The following LMO4 variants were observed in gnomAD, a reference collection of about 807,000 sequenced individuals.
LMO4 encodes the protein LIM domain only 4.
A neutral mutation model predicts 18.5 loss-of-function variants in LMO4; 3 were observed. The ratio of observed to expected loss-of-function variants is 0.16; its 90% CI spans 0.07 to 0.42. The LOEUF (loss-of-function observed/expected upper bound fraction) is 0.42. Among genes scored for constraint, LMO4 ranks in the 10% least tolerant of loss-of-function variants. LMO4 has a pLI of 0.99. For synonymous variants in LMO4, 100 were observed against 88.1 expected, an observed-to-expected ratio of 1.14 and a Z score of -0.76; for missense variants, 121 against 219.9, an observed-to-expected ratio of 0.55 and a Z score of 2.84.
intron 1 of LMO4, 104 bp from the exon 2 acceptor site, chr1:87,331,909 C>T (rs1650165112): frequency 1.1e-6 from 1 of 936,794 alleles, no homozygotes; most frequent in Non-Finnish European, 1.6e-6. Context: ...CCAGCAGCTC[C>T]GCGGGGAGGA....
chr1:87,334,473 A>G (rs532140631), intron 2 of LMO4, among the ~76,000 whole-genome samples: 32 of 152,228 alleles, frequency 2.1e-4, no homozygotes, highest in African/African-American at 7.5e-4. Context: ...CCCCTCTCCA[A>G]TGTCCCTCAA....
At chr1:87,340,340 TAG>T (rs1650441928) in intron 4 of LMO4, 138 bp downstream of exon 4, 1 of 721,114 alleles carries the variant, frequency 1.4e-6, no homozygotes, top group African/African-American at 1.8e-5. Context: ...TAGTTGTACA[TAG>T]AGTGTTCAGA....
chr1:87,339,258 T>A (rs1432691830), intron 2 of LMO4, among the ~76,000 whole-genome samples: 1 of 152,090 alleles, frequency 6.6e-6, no homozygotes, highest in African/African-American at 2.4e-5. Flanking sequence ...CCTAGTAATC[T>A]GATAAAATGT....
In LMO4 at chr1:87,348,430, G is replaced by T; in HGVS notation, c.*3634G>T. The T allele has an allele frequency of 3.3e-6, 1 of 303,676 alleles. No individual in the cohort carries two copies. Among genetic ancestry groups the T allele is most frequent in the Non-Finnish European group, 6.6e-6 (1 of 150,536 alleles). 18.8% of individuals were successfully genotyped at this position (303,676 alleles called of 1,614,324 possible). ...CCAAGTCACAGAAGTGCTTATTGCA[G>T]TTAAATAGCAATTTGTTTCCATGAA... is the stretch of plus-strand genomic sequence containing the variant. On this transcript the variant is annotated 3_prime_UTR_variant, in exon 5 of 5. Transcript: ENST00000370544.
At chr1:87,332,296 G>A (rs373467532) in intron 2 of LMO4, 45 bp downstream of exon 2, 1 of 1,470,136 alleles carries the variant, frequency 6.8e-7, no homozygotes, top group Admixed American at 1.7e-5. Context: ...AAGAGCAATG[G>A]CAAGGCCAAA....
rs1650411152 is a variant in LMO4 at position 87,339,521 on chromosome 1, T to C, written c.237-15T>C. On this transcript the variant is annotated splice_polypyrimidine_tract_variant and intron_variant, in intron 2 of 4. Transcript: ENST00000370544. Reference sequence around the variant, plus strand: ...AGGATTATTCACTGGTGTCAACCGTTATTCTTTGTTTCAGGTTATTTGGAA... The same window carrying C: ...AGGATTATTCACTGGTGTCAACCGTCATTCTTTGTTTCAGGTTATTTGGAA... 2 of 1,596,262 alleles carry C rather than the reference T, an allele frequency of 1.3e-6. No individual in the cohort carries two copies. Among genetic ancestry groups the C allele is most frequent in the African/African-American group, 2.7e-5 (2 of 74,702 alleles).
At chr1:87,340,258 C>T in intron 4 of LMO4, 56 bp downstream of exon 4, 2 of 1,538,646 alleles carry the variant, frequency 1.3e-6, no homozygotes, top group Non-Finnish European at 1.8e-6. Context: ...AAGGTTCAAC[C>T]TCTTAACCTA....
intron 4 of LMO4, among the ~76,000 whole-genome samples, chr1:87,341,803 G>A (rs1418840800): frequency 6.6e-6 from 1 of 152,170 alleles, no homozygotes; most frequent in Admixed American, 6.5e-5. Context: ...ACCAGTCACT[G>A]CTGATGAGGT....
chr1:87,338,362 C>A (rs1265258953), intron 2 of LMO4, among the ~76,000 whole-genome samples: 5 of 152,180 alleles, frequency 3.3e-5, no homozygotes, highest in Non-Finnish European at 7.3e-5. Context: ...TATTATGACA[C>A]CAATATGTTA....
intron 4 of LMO4, among the ~76,000 whole-genome samples, chr1:87,341,214 CTT>C (rs1650465044): frequency 6.6e-6 from 1 of 152,160 alleles, no homozygotes; most frequent in African/African-American, 2.4e-5. Flanking sequence ...TTCATTTACT[CTT>C]TACAGCGCCA....
Position 87,346,324 on chromosome 1 carries a change from G to A in LMO4, c.*1528G>A, listed in dbSNP as rs1041722143. On this transcript the variant is annotated 3_prime_UTR_variant, in exon 5 of 5. Coordinates refer to ENST00000370544, the MANE Select transcript of LMO4 (RefSeq NM_006769.4). ...TGCCCGCAGAGCTGCCCTCCGGAAAGCATGCAGTATAACAGCTAGTGCTGG... is the reference window on the plus strand; with the variant it reads ...TGCCCGCAGAGCTGCCCTCCGGAAAACATGCAGTATAACAGCTAGTGCTGG... 6.6e-6 allele frequency: 1 copy of A among 152,284 alleles called. No individual in the cohort carries two copies. Among genetic ancestry groups the A allele is most frequent in the Non-Finnish European group, 1.5e-5 (1 of 68,080 alleles). 9.4% of individuals were successfully genotyped at this position (152,284 alleles called of 1,614,324 possible).
Position 87,332,179 on chromosome 1 carries a change from C to T in LMO4, c.164C>T (p.Ala55Val). The change falls in exon 2 of 5, where the codon GCG becomes GTG. Residue 55 changes from alanine (A) to valine (V), a missense_variant. Coordinates refer to ENST00000370544, the MANE Select transcript of LMO4 (RefSeq NM_006769.4). ...SRCLKCSCCQAQLGDIGTSCY... is the reference protein window; with the variant it reads ...SRCLKCSCCQVQLGDIGTSCY... ...TGCCTCAAGTGCTCCTGCTGCCAGG[C>T]GCAGCTGGGCGACATCGGCACGTCC... is the stretch of plus-strand genomic sequence containing the variant. 2 of 1,614,222 alleles carry T rather than the reference C, an allele frequency of 1.2e-6. No homozygotes were observed. The highest frequency in any genetic ancestry group is 1.7e-6 in the Non-Finnish European group (2 of 1,180,024).
intron 2 of LMO4, among the ~76,000 whole-genome samples, chr1:87,335,636 G>C (rs1410451409): frequency 1.3e-5 from 2 of 152,096 alleles, no homozygotes; most frequent in African/African-American, 2.4e-5. Context: ...GTTTGGGTAG[G>C]GGGTGGCGTT....
chr1:87,338,347 A>G (rs909152693), intron 2 of LMO4, among the ~76,000 whole-genome samples: 1 of 152,236 alleles, frequency 6.6e-6, no homozygotes, highest in Non-Finnish European at 1.5e-5. Flanking sequence ...GCAAATGTTA[A>G]TATTTATTAT....
chr1:87,344,564 T>C (rs566110631), intron 4 of LMO4, among the ~76,000 whole-genome samples: 1 of 152,348 alleles, frequency 6.6e-6, no homozygotes, highest in African/African-American at 2.4e-5. Context: ...TGAGCGTCCA[T>C]TTACTGTCTC....
At chr1:87,337,469 G>A (rs1650347339) in intron 2 of LMO4, among the ~76,000 whole-genome samples, 1 of 152,294 alleles carries the variant, frequency 6.6e-6, no homozygotes, top group East Asian at 1.9e-4. Flanking sequence ...CTGTGTACCT[G>A]TTGGTAGTGG....
At chr1:87,338,135 A>G (rs1367420303) in intron 2 of LMO4, among the ~76,000 whole-genome samples, 3 of 152,208 alleles carry the variant, frequency 2.0e-5, no homozygotes, top group Non-Finnish European at 4.4e-5. Flanking sequence ...CTTACAGGCT[A>G]TTTTCAATAA....
intron 2 of LMO4, among the ~76,000 whole-genome samples, chr1:87,335,508 C>A (rs1338192604): frequency 6.6e-6 from 1 of 151,984 alleles, no homozygotes; most frequent in Non-Finnish European, 1.5e-5. Flanking sequence ...CGCTTTCTTT[C>A]CCCGGGCTCC....
At chr1:87,341,517 CTT>C (rs919842354) in intron 4 of LMO4, among the ~76,000 whole-genome samples, 1 of 152,084 alleles carries the variant, frequency 6.6e-6, no homozygotes, top group African/African-American at 2.4e-5. Flanking sequence ...AAAAAATAGA[CTT>C]TTTTGTCTTC....
Sources: allele counts gnomAD v4.1 joint callset (sites outside exome capture counted in the v4.1 genomes callset), GRCh38; gene constraint gnomAD v4.1.1; transcripts MANE v1.5; gene names NCBI Gene and HGNC (gene_info 2026-07-23, HGNC 2026-07-21).